SIM1: variants seen among roughly 807,000 people sequenced by gnomAD.
The protein encoded by SIM1 is single-minded homolog 1.
In SIM1, 18 loss-of-function variants were observed where a neutral mutation model predicts 78.2. That is an observed-to-expected ratio of 0.23 (90% confidence interval 0.16 to 0.34). The LOEUF is 0.34. Ranked by LOEUF, SIM1 falls within the 10% of genes least tolerant of loss-of-function variation. The probability of loss-of-function intolerance (pLI) is 1.00; values close to 1 mark genes in which losing one functional copy is unlikely to be tolerated. For synonymous variants in SIM1, 417 were observed against 385.2 expected (o/e 1.08, Z -0.97); for missense variants, 939 against 975.1 (o/e 0.96, Z 0.49).
intron 9 of SIM1, among the ~76,000 whole-genome samples, chr6:100,444,641 C>T (rs1156386307): frequency 1.3e-5 from 2 of 152,146 alleles, no homozygotes; most frequent in African/African-American, 4.8e-5. Context: ...GCGTATACCA[C>T]CTGCCTCTAA....
At chr6:100,394,422 T>C (rs1770721070) in intron 10 of SIM1, among the ~76,000 whole-genome samples, 1 of 152,178 alleles carries the variant, frequency 6.6e-6, no homozygotes, top group African/African-American at 2.4e-5. Context: ...TATTTTTTGG[T>C]TTTGACAGGG....
intron 9 of SIM1, among the ~76,000 whole-genome samples, chr6:100,422,396 G>A (rs1771617089): frequency 6.6e-6 from 1 of 151,992 alleles, no homozygotes; most frequent in South Asian, 2.1e-4. Flanking sequence ...TAGAGACAGG[G>A]GTTTGCCATG....
chr6:100,410,866 C>T (rs1771172314), intron 10 of SIM1, among the ~76,000 whole-genome samples: 1 of 152,114 alleles, frequency 6.6e-6, no homozygotes, highest in South Asian at 2.1e-4. Context: ...GAGCCTGGAA[C>T]CAGACAAAGA....
At chr6:100,459,461 A>G (rs989491987) in intron 2 of SIM1, among the ~76,000 whole-genome samples, 1 of 152,202 alleles carries the variant, frequency 6.6e-6, no homozygotes, top group Non-Finnish European at 1.5e-5. Flanking sequence ...GAAAATAAAC[A>G]TGGAAACCTA....
At chr6:100,392,885 T>C (rs1391332004) in intron 11 of SIM1, among the ~76,000 whole-genome samples, 1 of 152,250 alleles carries the variant, frequency 6.6e-6, no homozygotes, top group Admixed American at 6.5e-5. Context: ...TTCGACGTGT[T>C]TATAAAGCCA....
rs188177953 is a variant in SIM1 at position 100,420,971 on chromosome 6, A to T, written c.999-13T>A. On this transcript the variant is annotated splice_polypyrimidine_tract_variant and intron_variant, in intron 9 of 11. Coordinates refer to ENST00000369208, the MANE Select transcript of SIM1 (RefSeq NM_005068.3). ...GTATTCTGTGTCTCTGCAGGGTGGG[A>T]GGACAAAGCCCTTAATCAGCCACCA... 7 of 1,610,688 alleles carry T rather than the reference A, an allele frequency of 4.3e-6. No homozygotes were observed. In the East Asian group the frequency reaches 1.6e-4, roughly 36 times the overall value.
chr6:100,461,415 C>T (rs1396754275), intron 2 of SIM1, among the ~76,000 whole-genome samples: 3 of 152,368 alleles, frequency 2.0e-5, no homozygotes, highest in Admixed American at 6.5e-5. Flanking sequence ...CCCGGGCTCT[C>T]CCGGCCGGCT....
At chr6:100,455,841 T>C (rs1321218068) in intron 2 of SIM1, among the ~76,000 whole-genome samples, 1 of 152,150 alleles carries the variant, frequency 6.6e-6, no homozygotes, top group Non-Finnish European at 1.5e-5. Context: ...CGAAGCGGCC[T>C]CCCAACCAGA....
chr6:100,395,465 C>G (rs1249813111), intron 10 of SIM1, among the ~76,000 whole-genome samples: 1 of 152,096 alleles, frequency 6.6e-6, no homozygotes, highest in South Asian at 2.1e-4. Context: ...TCAGATAAAA[C>G]AGTGCTAACG....
intron 9 of SIM1, among the ~76,000 whole-genome samples, chr6:100,428,738 G>A (rs900676412): frequency 6.6e-6 from 1 of 151,780 alleles, no homozygotes; most frequent in South Asian, 2.1e-4. Context: ...CAAACCCTAT[G>A]CCTACATTAT....
intron 10 of SIM1, among the ~76,000 whole-genome samples, chr6:100,394,382 T>A (rs1408850184): frequency 1.3e-5 from 2 of 152,102 alleles, no homozygotes; most frequent in Non-Finnish European, 2.9e-5. Context: ...CCAAGTAAGT[T>A]CCATATTTTA....
intron 3 of SIM1, among the ~76,000 whole-genome samples, chr6:100,451,694 G>C (rs1422095522): frequency 1.3e-5 from 2 of 152,152 alleles, no homozygotes; most frequent in Non-Finnish European, 1.5e-5. Context: ...AGATGGTTCT[G>C]GATATGGACT....
chr6:100,392,879 A>T (rs1264228027), intron 11 of SIM1, among the ~76,000 whole-genome samples: 1 of 152,208 alleles, frequency 6.6e-6, no homozygotes, highest in African/African-American at 2.4e-5. Context: ...GTCCATTTCG[A>T]CGTGTTTATA....
intron 9 of SIM1, among the ~76,000 whole-genome samples, chr6:100,427,975 T>G (rs1771779575): frequency 6.6e-6 from 1 of 152,204 alleles, no homozygotes; most frequent in Non-Finnish European, 1.5e-5. Context: ...TTAATAAATT[T>G]TGCTTATCTC....
intron 9 of SIM1, among the ~76,000 whole-genome samples, chr6:100,432,147 TAA>T (rs1384174192): frequency 6.6e-6 from 1 of 152,074 alleles, no homozygotes; most frequent in Non-Finnish European, 1.5e-5. Context: ...CACTATCTCT[TAA>T]AAAGAGAGAG....
At chr6:100,402,620 C>T (rs1278930255) in intron 10 of SIM1, among the ~76,000 whole-genome samples, 1 of 123,846 alleles carries the variant, frequency 8.1e-6, no homozygotes, top group Non-Finnish European at 1.7e-5. Flanking sequence ...CCCTGTCGCC[C>T]AGGCTGGAGT....
At chr6:100,407,943 A>G (rs1771092103) in intron 10 of SIM1, among the ~76,000 whole-genome samples, 1 of 151,902 alleles carries the variant, frequency 6.6e-6, no homozygotes, top group South Asian at 2.1e-4. Context: ...CTGCATTTTC[A>G]TTATATTGTT....
At chr6:100,410,837 T>C (rs1214211147) in intron 10 of SIM1, among the ~76,000 whole-genome samples, 1 of 152,186 alleles carries the variant, frequency 6.6e-6, no homozygotes, top group Admixed American at 6.5e-5. Flanking sequence ...GTTCTCTAAA[T>C]GTGATGTCCT....
Position 100,393,799 on chromosome 6 carries a change from G to A in SIM1, c.1258C>T (p.Leu420=), listed in dbSNP as rs749660267. The change falls in exon 11 of 12, where the codon CTG becomes TTG. Residue 420 remains leucine (L), a synonymous_variant. Coordinates refer to ENST00000369208, the MANE Select transcript of SIM1 (RefSeq NM_005068.3). ...PLTDTASPQL[L]DPADRPGSQH... Reference sequence around the variant, plus strand: ...GAGCCAGGCCTATCGGCGGGGTCCAGAAGCTGCGGAGAGGCCGTGTCGGTC... The same window carrying A: ...GAGCCAGGCCTATCGGCGGGGTCCAAAAGCTGCGGAGAGGCCGTGTCGGTC... 14 of 1,613,950 alleles carry A rather than the reference G, an allele frequency of 8.7e-6. No individual in the cohort carries two copies. Among genetic ancestry groups the A allele is most frequent in the African/African-American group, 1.3e-5 (1 of 75,056 alleles).
Sources: gnomAD v4.1 joint callset for allele counts (sites outside exome capture counted in the v4.1 genomes callset) on GRCh38, gnomAD v4.1.1 for gene constraint, MANE v1.5 for transcripts, NCBI Gene and HGNC (gene_info 2026-07-23, HGNC 2026-07-21) for gene names.